The following XKR9 variants were observed in gnomAD, a reference collection of about 807,000 sequenced individuals.
XKR9 encodes XK-related protein 9.
In XKR9, 32 loss-of-function variants were observed where a neutral mutation model predicts 32.0. That is an observed-to-expected ratio of 1.00 (90% CI 0.76 to 1.34). The LOEUF is 1.34. Among genes scored for constraint, XKR9 ranks in the 40% most tolerant of loss-of-function variants. The pLI is 0.00. For synonymous variants in XKR9, 168 were observed against 143.4 expected, an observed-to-expected ratio of 1.17 and a Z score of -1.22; for missense variants, 546 against 429.7, an observed-to-expected ratio of 1.27 and a Z score of -2.39.
At chr8:71,049,329 T>C in the XKR9 span, among the ~76,000 whole-genome samples, 1 of 152,312 alleles carries the variant, frequency 6.6e-6, no homozygotes, top group Admixed American at 6.5e-5. Flanking sequence ...CACACATGCT[T>C]GAATGCACAC....
At chr8:70,745,711 A>T (rs1222937773) in intron 2 of XKR9, among the ~76,000 whole-genome samples, 1 of 152,222 alleles carries the variant, frequency 6.6e-6, no homozygotes, top group Non-Finnish European at 1.5e-5. Context: ...GGGCAATGGA[A>T]CCACAGAGAA....
the XKR9 span, among the ~76,000 whole-genome samples, chr8:70,829,436 T>C: frequency 1.3e-5 from 2 of 152,146 alleles, no homozygotes; most frequent in African/African-American, 4.8e-5. Flanking sequence ...CCTCTTGACA[T>C]GTATTATTTA....
At chr8:70,856,937 C>T in the XKR9 span, among the ~76,000 whole-genome samples, 1 of 152,072 alleles carries the variant, frequency 6.6e-6, no homozygotes, top group African/African-American at 2.4e-5. Flanking sequence ...ACAACAAAGA[C>T]ACAACATACC....
At chr8:70,733,397 C>G (rs1806737571) in intron 4 of XKR9, among the ~76,000 whole-genome samples, 1 of 151,898 alleles carries the variant, frequency 6.6e-6, no homozygotes, top group African/African-American at 2.4e-5. Flanking sequence ...AAATCACAGT[C>G]AAAACATCTA....
At chr8:70,854,332 A>T in the XKR9 span, among the ~76,000 whole-genome samples, 13 of 152,160 alleles carry the variant, frequency 8.5e-5, no homozygotes, top group African/African-American at 3.1e-4. Flanking sequence ...CTTCTTTGAG[A>T]AGTGTCTGTT....
At chr8:70,858,274 G>C in the XKR9 span, among the ~76,000 whole-genome samples, 1 of 152,078 alleles carries the variant, frequency 6.6e-6, no homozygotes, top group Admixed American at 6.6e-5. Context: ...AAAGTCTCAG[G>C]ATACAAAATC....
chr8:70,735,046 T>C lies in XKR9; in HGVS notation c.*622T>C, dbSNP rs569295141. The C allele has an allele frequency of 2.0e-5, 3 of 152,312 alleles. No homozygotes were observed. The East Asian group carries it at 5.8e-4, about 29-fold the overall frequency. The allele number at this position is 152,312 out of a possible 1,614,324, so 9.4% of individuals were successfully genotyped here. On this transcript the variant is annotated 3_prime_UTR_variant, in exon 5 of 5. Transcript: ENST00000408926. ...TCTTAACATATAATTATATTAATCC[T>C]ATTTGTGCTAGAATAGTTGTATCTA...
the XKR9 span, among the ~76,000 whole-genome samples, chr8:70,874,884 C>T: frequency 6.6e-6 from 1 of 152,100 alleles, no homozygotes; most frequent in Non-Finnish European, 1.5e-5. Flanking sequence ...GAAGAGCATG[C>T]CTTTTTTCCC....
At chr8:70,978,840 G>T in the XKR9 span, among the ~76,000 whole-genome samples, 6 of 152,108 alleles carry the variant, frequency 3.9e-5, no homozygotes, top group East Asian at 1.2e-3. Context: ...TTTCCAGCTT[G>T]GTTCCATTCT....
the XKR9 span, among the ~76,000 whole-genome samples, chr8:70,912,132 G>A: frequency 6.6e-6 from 1 of 152,164 alleles, no homozygotes; most frequent in South Asian, 2.1e-4. Context: ...GGCTGTGCAC[G>A]AGTTTGGGGT....
the XKR9 span, among the ~76,000 whole-genome samples, chr8:70,809,558 C>A: frequency 6.6e-6 from 1 of 152,086 alleles, no homozygotes; most frequent in Non-Finnish European, 1.5e-5. Flanking sequence ...AAAGATTAGA[C>A]AAATGGCTAA....
chr8:71,040,475 A>G, the XKR9 span, among the ~76,000 whole-genome samples: 183 of 152,308 alleles, frequency 1.2e-3, no homozygotes, highest in Non-Finnish European at 1.5e-3. Context: ...TTTAATAAGT[A>G]TTTTTTGAGT....
the XKR9 span, among the ~76,000 whole-genome samples, chr8:71,033,264 C>A: frequency 6.6e-6 from 1 of 152,098 alleles, no homozygotes; most frequent in Non-Finnish European, 1.5e-5. Context: ...GATTTAATTT[C>A]TTTGTGTTCT....
chr8:70,770,913 AG>A (rs1807445387), intron 2 of XKR9, among the ~76,000 whole-genome samples: 1 of 152,166 alleles, frequency 6.6e-6, no homozygotes, highest in South Asian at 2.1e-4. Context: ...CTTTCAGGAT[AG>A]TGAATGCTTC....
At chr8:70,824,777 G>T in the XKR9 span, among the ~76,000 whole-genome samples, 1 of 152,004 alleles carries the variant, frequency 6.6e-6, no homozygotes, top group Non-Finnish European at 1.5e-5. Context: ...ATTACATGAA[G>T]CAAGCTATTT....
the XKR9 span, among the ~76,000 whole-genome samples, chr8:71,004,612 T>C: frequency 4.4e-3 from 673 of 152,348 alleles, 3 homozygotes; most frequent in Non-Finnish European, 7.7e-3. Flanking sequence ...CCTCTTTCTT[T>C]ACTAGGAAGT....
At chr8:70,821,970 TCTC>T in the XKR9 span, among the ~76,000 whole-genome samples, 1 of 152,226 alleles carries the variant, frequency 6.6e-6, no homozygotes, top group East Asian at 1.9e-4. Context: ...GGCTTGAATG[TCTC>T]CTCAGAAAAT....
At chr8:70,995,239 A>C in the XKR9 span, among the ~76,000 whole-genome samples, 1 of 152,204 alleles carries the variant, frequency 6.6e-6, no homozygotes. Context: ...TCTTACTTTC[A>C]TGATGGCCCA....
At chr8:70,820,173 A>C in the XKR9 span, among the ~76,000 whole-genome samples, 4 of 152,164 alleles carry the variant, frequency 2.6e-5, no homozygotes, top group Admixed American at 2.6e-4. Context: ...GAAAAAGAAC[A>C]TCCTTACCTC....
Sources: allele counts gnomAD v4.1 joint callset (sites outside exome capture counted in the v4.1 genomes callset), GRCh38; gene constraint gnomAD v4.1.1; transcripts MANE v1.5; gene names NCBI Gene and HGNC (gene_info 2026-07-23, HGNC 2026-07-21).